PFDN1: variants seen among roughly 807,000 people sequenced by gnomAD.
The protein encoded by PFDN1 is prefoldin 1.
PFDN1 carries 6 observed loss-of-function variants against 17.3 expected under a neutral mutation model. The observed-to-expected ratio is 0.35, with a 90% CI of 0.19 to 0.69. The LOEUF (loss-of-function observed/expected upper bound fraction) is 0.69, where lower values mean the gene tolerates loss of function less well. Ranked by LOEUF, PFDN1 falls within the 30% of genes least tolerant of loss-of-function variation. PFDN1 has a pLI of 0.65. For missense variants in PFDN1, 113 were observed against 146.2 expected, an observed-to-expected ratio of 0.77 and a Z score of 1.17; for synonymous variants, 58 against 50.1, an observed-to-expected ratio of 1.16 and a Z score of -0.67.
intron 3 of PFDN1, among the ~76,000 whole-genome samples, chr5:140,260,648 G>A (rs960360294): frequency 6.6e-6 from 1 of 150,394 alleles, no homozygotes; most frequent in African/African-American, 2.5e-5. Flanking sequence ...AATCTGCAGA[G>A]ACAGATAGAA....
intron 3 of PFDN1, among the ~76,000 whole-genome samples, chr5:140,276,839 A>G (rs1765302984): frequency 6.6e-6 from 1 of 151,472 alleles, no homozygotes; most frequent in Non-Finnish European, 1.5e-5. Flanking sequence ...TAAAGCATAC[A>G]GTATAACAGA....
intron 3 of PFDN1, among the ~76,000 whole-genome samples, chr5:140,253,502 C>T (rs1764945922): frequency 1.3e-5 from 2 of 152,194 alleles, no homozygotes; most frequent in Admixed American, 1.3e-4. Flanking sequence ...TACTGCTGCC[C>T]TCCCTAACAC....
rs144880780 is a variant in PFDN1 at position 140,271,441 on chromosome 5, C to G, written c.285+10008G>C. Among the ~76,000 whole-genome samples the G allele has an allele frequency of 4.5e-4, 68 of 152,128 alleles. 1 individual carries two copies. The highest frequency in any genetic ancestry group is 7.9e-4 in the Admixed American group (12 of 15,278). ...CCCAAGACTCTCCAAGTCAAAACAA[C>G]GTAGGAAAGAGATTAATTTTACATC... On this transcript the variant is annotated intron_variant, in intron 3 of 3. Coordinates refer to ENST00000261813, the MANE Select transcript of PFDN1 (RefSeq NM_002622.5).
At chr5:140,253,250 T>C (rs1764940714) in intron 3 of PFDN1, among the ~76,000 whole-genome samples, 2 of 152,084 alleles carry the variant, frequency 1.3e-5, no homozygotes, top group Admixed American at 6.5e-5. Context: ...CGCTGACCTG[T>C]TTTCCTCCCA....
At chr5:140,300,309 A>G in intron 2 of PFDN1, 107 bp downstream of exon 2, 2 of 783,394 alleles carry the variant, frequency 2.6e-6, no homozygotes, top group South Asian at 3.5e-5. Context: ...GATTACAGGC[A>G]TGAGCCACCA....
chr5:140,274,117 C>T (rs1286069729), intron 3 of PFDN1, among the ~76,000 whole-genome samples: 1 of 152,166 alleles, frequency 6.6e-6, no homozygotes, highest in East Asian at 1.9e-4. Flanking sequence ...TTAATTATTT[C>T]CTGCTTACCT....
intron 3 of PFDN1, among the ~76,000 whole-genome samples, chr5:140,248,817 CAA>C (rs1217155488): frequency 1.3e-5 from 2 of 152,192 alleles, no homozygotes; most frequent in Non-Finnish European, 2.9e-5. Flanking sequence ...GGTTTCCAAA[CAA>C]TGATGCAAAT....
intron 3 of PFDN1, among the ~76,000 whole-genome samples, chr5:140,247,846 C>T (rs1461279524): frequency 6.6e-6 from 1 of 152,022 alleles, no homozygotes; most frequent in Non-Finnish European, 1.5e-5. Flanking sequence ...AGGAGAATCA[C>T]TTGAACCCAG....
In PFDN1 at chr5:140,248,522, T is replaced by G. The variant is rs535817335; in HGVS notation, c.286-2465A>C. Among the ~76,000 whole-genome samples, 27 of 152,320 alleles carry G rather than the reference T, an allele frequency of 1.8e-4. No individual in the cohort carries two copies. The South Asian group carries it at 5.2e-3, about 29-fold the overall frequency. Reference sequence around the variant, plus strand: ...CCACCTGGGCACCCTGTGGACCCCATGTGAATGCAGGGGAAAGGCGAATGG... The same window carrying G: ...CCACCTGGGCACCCTGTGGACCCCAGGTGAATGCAGGGGAAAGGCGAATGG... On this transcript the variant is annotated intron_variant, in intron 3 of 3. Coordinates refer to ENST00000261813, the MANE Select transcript of PFDN1 (RefSeq NM_002622.5).
chr5:140,273,115 T>C (rs1055439472), intron 3 of PFDN1, among the ~76,000 whole-genome samples: 6 of 151,846 alleles, frequency 4.0e-5, no homozygotes, highest in African/African-American at 1.5e-4. Flanking sequence ...CATGGTGGCA[T>C]GCACCTGTAG....
intron 1 of PFDN1, among the ~76,000 whole-genome samples, chr5:140,300,975 A>G (rs1457453457): frequency 1.3e-5 from 2 of 152,258 alleles, no homozygotes; most frequent in Admixed American, 6.5e-5. Flanking sequence ...CATTAGTTTG[A>G]AATATTAACA....
rs1554071320 is a variant in PFDN1 at position 140,256,681 on chromosome 5, AAG to A, written c.286-10626_286-10625del. The stretch of plus-strand genomic sequence containing the variant: ...GACAAAAAAAAAAAAAAAAAAAAAA[AAG>A]CTATGTTTTTCAAGAATGACCCTAC... On this transcript the variant is annotated intron_variant, in intron 3 of 3. Transcript: ENST00000261813. Among the ~76,000 whole-genome samples, 3 of 149,840 alleles carry A rather than the reference AAG, an allele frequency of 2.0e-5. No individual in the cohort carries two copies. The South Asian group carries it at 6.3e-4, about 31-fold the overall frequency.
intron 2 of PFDN1, chr5:140,281,848 G>C (rs1341955549): frequency 8.5e-6 from 2 of 235,508 alleles, no homozygotes; most frequent in Non-Finnish European, 1.6e-5. Flanking sequence ...GTCTAGTCTG[G>C]GCAACATAGC....
At chr5:140,273,363 C>CA (rs1219415355) in intron 3 of PFDN1, among the ~76,000 whole-genome samples, 2 of 152,090 alleles carry the variant, frequency 1.3e-5, no homozygotes, top group African/African-American at 4.8e-5. Flanking sequence ...AGTACCAGCT[C>CA]AAAAATGCAG....
At chr5:140,257,049 CT>C (rs1306241165) in intron 3 of PFDN1, among the ~76,000 whole-genome samples, 19 of 151,972 alleles carry the variant, frequency 1.3e-4, no homozygotes, top group African/African-American at 4.1e-4. Flanking sequence ...GATAAAAACC[CT>C]GTCTCTACTA....
At chr5:140,256,739 C>G (rs1379511363) in intron 3 of PFDN1, among the ~76,000 whole-genome samples, 1 of 148,872 alleles carries the variant, frequency 6.7e-6, no homozygotes, top group African/African-American at 2.5e-5. Context: ...TTCTTTTCCT[C>G]AATCCCCACA....
At chr5:140,257,014 G>A (rs1416868447) in intron 3 of PFDN1, among the ~76,000 whole-genome samples, 1 of 152,000 alleles carries the variant, frequency 6.6e-6, no homozygotes, top group African/African-American at 2.4e-5. Context: ...GAGGTCAGGA[G>A]TTTTGAGACC....
At position 140,299,991 on chromosome 5, in the gene PFDN1, G is replaced by A. The variant is rs182901915; in HGVS notation, c.200+425C>T. ...CGGGCCATTGCACTCCAGCCTGGGC[G>A]ATATAGCGAAAACTCCGTCTCAAAA... On this transcript the variant is annotated intron_variant, in intron 2 of 3. Transcript: ENST00000261813. Among the ~76,000 whole-genome samples, 65 of 152,262 alleles carry A rather than the reference G, an allele frequency of 4.3e-4. No homozygotes were observed. The East Asian group carries it at 0.011, about 26-fold the overall frequency.
chr5:140,285,429 G>A (rs1217605054), intron 2 of PFDN1, among the ~76,000 whole-genome samples: 1 of 151,260 alleles, frequency 6.6e-6, no homozygotes, highest in East Asian at 1.9e-4. Flanking sequence ...TTTTTACGTC[G>A]TAATTTTTAG....
Sources: gnomAD v4.1 joint callset for allele counts (sites outside exome capture counted in the v4.1 genomes callset) on GRCh38, gnomAD v4.1.1 for gene constraint, MANE v1.5 for transcripts, NCBI Gene and HGNC (gene_info 2026-07-23, HGNC 2026-07-21) for gene names.